The following B4GALT1 variants were observed in gnomAD, a reference collection of about 807,000 sequenced individuals.
B4GALT1 encodes N-acetyllactosamine synthase.
In B4GALT1, 16 loss-of-function variants were observed where a neutral mutation model predicts 34.9. The observed-to-expected ratio is 0.46, with a 90% CI of 0.31 to 0.70. The LOEUF (loss-of-function observed/expected upper bound fraction) is 0.70. B4GALT1 is among the 30% of genes least tolerant of loss of function. The probability of loss-of-function intolerance (pLI) is 0.05; values close to 1 mark genes in which losing one functional copy is unlikely to be tolerated. For synonymous variants in B4GALT1, 221 were observed against 218.1 expected (o/e 1.01, Z -0.12); for missense variants, 445 against 530.5 (o/e 0.84, Z 1.58).
At position 33,167,245 on chromosome 9, in the gene B4GALT1, C is replaced by A; in HGVS notation, c.-76G>T. The A allele has an allele frequency of 6.9e-7, 1 of 1,439,238 alleles. No individual in the cohort carries two copies. The allele number at this position is 1,439,238 out of a possible 1,614,324, so 89.2% of individuals were successfully genotyped here. A position where few individuals can be genotyped will look rare whatever the true frequency, so the allele number is the denominator to read the frequency against. On this transcript the variant is annotated 5_prime_UTR_variant, in exon 1 of 6. Transcript: ENST00000379731. ...CCGCCCGCGGGCCGCCCGCCAGGCGCTGCCCCACAGCGGCGACTAGGGGAG... is the reference window on the plus strand; with the variant it reads ...CCGCCCGCGGGCCGCCCGCCAGGCGATGCCCCACAGCGGCGACTAGGGGAG...
intron 1 of B4GALT1, among the ~76,000 whole-genome samples, chr9:33,138,284 T>C (rs1840300145): frequency 6.6e-6 from 1 of 152,200 alleles, no homozygotes; most frequent in African/African-American, 2.4e-5. Context: ...AGATGATCTT[T>C]GGTATCCTGA....
intron 2 of B4GALT1, 84 bp from the exon 3 acceptor site, chr9:33,120,690 A>T: frequency 1.4e-6 from 2 of 1,379,474 alleles, no homozygotes; most frequent in Admixed American, 1.8e-5. Context: ...CTTGTCCACT[A>T]CACATGGTCA....
chr9:33,166,894 G>A lies in B4GALT1; in HGVS notation c.276C>T (p.Ser92=), dbSNP rs762594169. Residue 92 remains serine, a synonymous_variant, in exon 1 of 6, where the codon TCC becomes TCT. Coordinates refer to ENST00000379731, the MANE Select transcript of B4GALT1 (RefSeq NM_001497.4). ...TGGAGTCGCCACCCGGGCGCGGCTG[G>A]GAGGAGGCGCCTAGAGGAGGCGGCG... ...ARPPPPLGAS[S]QPRPGGDSSP... The A allele has an allele frequency of 6.3e-7, 1 of 1,580,330 alleles. No individual in the cohort carries two copies. Among genetic ancestry groups the A allele is most frequent in the South Asian group, 1.1e-5 (1 of 88,794 alleles).
At chr9:33,130,792 C>G (rs1327513058) in intron 2 of B4GALT1, among the ~76,000 whole-genome samples, 1 of 151,886 alleles carries the variant, frequency 6.6e-6, no homozygotes, top group African/African-American at 2.4e-5. Context: ...CCAAGGAGTT[C>G]AAACCAATAG....
At chr9:33,160,681 C>T (rs573906924) in intron 1 of B4GALT1, among the ~76,000 whole-genome samples, 1 of 152,108 alleles carries the variant, frequency 6.6e-6, no homozygotes, top group African/African-American at 2.4e-5. Flanking sequence ...GTGGGAGAAT[C>T]GCTTAGCCCG....
Position 33,167,000 on chromosome 9 carries a change from G to A in B4GALT1, c.170C>T (p.Ser57Phe), listed in dbSNP as rs1324818651. The A allele has an allele frequency of 6.3e-7, 1 of 1,595,234 alleles. No homozygotes were observed. Residue 57 changes from serine to phenylalanine, a missense_variant, in exon 1 of 6, where the codon TCC becomes TTC. By Grantham distance (155) the Ser-to-Phe change is radical. Coordinates refer to ENST00000379731, the MANE Select transcript of B4GALT1 (RefSeq NM_001497.4). ...GTTCGAGCCGCCCTGCAGCGGTGTGGAGACTCCGACCAGTTGGGGCAGGCG... is the reference window on the plus strand; with the variant it reads ...GTTCGAGCCGCCCTGCAGCGGTGTGAAGACTCCGACCAGTTGGGGCAGGCG... ...LSRLPQLVGV[S>F]TPLQGGSNSA...
intron 2 of B4GALT1, among the ~76,000 whole-genome samples, chr9:33,122,937 A>T (rs1840042360): frequency 6.6e-6 from 1 of 152,140 alleles, no homozygotes; most frequent in African/African-American, 2.4e-5. Context: ...TGAGGTCAGG[A>T]GTTCGAGACC....
chr9:33,118,271 G>T (rs578155049), intron 3 of B4GALT1, among the ~76,000 whole-genome samples: 24 of 152,234 alleles, frequency 1.6e-4, no homozygotes, highest in African/African-American at 5.8e-4. Context: ...CTGGGAGAAG[G>T]ACTTCATACA....
intron 2 of B4GALT1, among the ~76,000 whole-genome samples, chr9:33,130,596 G>A (rs1283966611): frequency 9.0e-6 from 1 of 111,028 alleles, no homozygotes; most frequent in Non-Finnish European, 1.9e-5. Context: ...TAATTACAGA[G>A]GCATAAGCCA....
rs751351046 is a variant in B4GALT1 at position 33,111,250 on chromosome 9, C to CAAAAAAAAAAAAA, written c.*2191_*2203dup. The CAAAAAAAAAAAAA allele has an allele frequency of 1.6e-4, 8 of 48,828 alleles. No individual in the cohort carries two copies. The highest frequency in any genetic ancestry group is 2.9e-4 in the Admixed American group (1 of 3,494). The allele number at this position is 48,828 out of a possible 1,614,324, so 3.0% of individuals were successfully genotyped here. A position where few individuals can be genotyped will look rare whatever the true frequency, so the allele number is the denominator to read the frequency against. The stretch of plus-strand genomic sequence containing the variant: ...TACTTGACATGAATGAGAAGGTAAC[C>CAAAAAAAAAAAAA]AAAAAAAAAAAAAAAAAAAAAAAAA... On this transcript the variant is annotated 3_prime_UTR_variant, in exon 6 of 6. Transcript: ENST00000379731.
Position 33,150,210 on chromosome 9 carries a change from ATATC to A in B4GALT1, c.413-14790_413-14787del, listed in dbSNP as rs1309486564. 7.1e-5 allele frequency among the ~76,000 whole-genome samples: 10 copies of A among 140,734 alleles called. No individual in the cohort carries two copies. The East Asian group carries it at 1.1e-3, about 15-fold the overall frequency. The allele number at this position is 140,734 out of a possible 152,430, so 92.3% of individuals were successfully genotyped here. A position where few individuals can be genotyped will look rare whatever the true frequency, so the allele number is the denominator to read the frequency against. On this transcript the variant is annotated intron_variant, in intron 1 of 5. Transcript: ENST00000379731. ...GATACATCTATCTAAAATTATATTAATATCTATCTATCTACAGGTAGATACACAC... is the reference window on the plus strand; with the variant it reads ...GATACATCTATCTAAAATTATATTAATATCTATCTACAGGTAGATACACAC...
downstream of B4GALT1, among the ~76,000 whole-genome samples, chr9:33,107,310 G>C (rs1049243190): frequency 6.6e-6 from 1 of 152,170 alleles, no homozygotes; most frequent in African/African-American, 2.4e-5. Context: ...CCAGCCCTTA[G>C]GAATGTCTGA....
chr9:33,154,206 T>C (rs909614350), intron 1 of B4GALT1, among the ~76,000 whole-genome samples: 1 of 152,208 alleles, frequency 6.6e-6, no homozygotes, highest in Admixed American at 6.5e-5. Context: ...GAAAAATCAA[T>C]GTATAATATA....
At position 33,133,388 on chromosome 9, in the gene B4GALT1, G is replaced by A. The variant is rs539198552; in HGVS notation, c.648+1801C>T. Among the ~76,000 whole-genome samples, 5 of 152,294 alleles carry A rather than the reference G, an allele frequency of 3.3e-5. No homozygotes were observed. In the South Asian group the frequency reaches 1.0e-3, roughly 32 times the overall value. ...GAGAGAAACGAGATGCAGCTGGCAC[G>A]GCTTATTAGTCATCCCTGCTGGCTC... is the stretch of plus-strand genomic sequence containing the variant. On this transcript the variant is annotated intron_variant, in intron 2 of 5. Transcript: ENST00000379731.
upstream of B4GALT1, chr9:33,167,351 C>G (rs1840782421): frequency 2.7e-6 from 2 of 749,006 alleles, no homozygotes; most frequent in South Asian, 1.1e-4. Flanking sequence ...AGAAGCCGCC[C>G]GAGGCGCCGG....
In B4GALT1 at chr9:33,113,042, C is replaced by T. The variant is rs1381367019; in HGVS notation, c.*412G>A. ...AATTACAACTACCAAAAAGATCACA[C>T]CAATCCAATTTTAGCAGCACTCTCC... On this transcript the variant is annotated 3_prime_UTR_variant, in exon 6 of 6. Transcript: ENST00000379731. The T allele has an allele frequency of 2.5e-5, 7 of 281,988 alleles. No homozygotes were observed. The highest frequency in any genetic ancestry group is 2.8e-5 in the Non-Finnish European group (4 of 143,132). The allele number at this position is 281,988 out of a possible 1,614,324, so 17.5% of individuals were successfully genotyped here.
At chr9:33,140,609 G>A (rs1840334871) in intron 1 of B4GALT1, among the ~76,000 whole-genome samples, 1 of 152,228 alleles carries the variant, frequency 6.6e-6, no homozygotes, top group Non-Finnish European at 1.5e-5. Flanking sequence ...GTGGAACTAG[G>A]CAGTGCCTAG....
Position 33,113,164 on chromosome 9 carries a change from C to T in B4GALT1, c.*290G>A. The stretch of plus-strand genomic sequence containing the variant: ...TATCACCGGGAATGTGTTCCACGGC[C>T]ACCAAATTTTGGGATGTGTACAGTT... On this transcript the variant is annotated 3_prime_UTR_variant, in exon 6 of 6. Transcript: ENST00000379731. 2 of 450,664 alleles carry T rather than the reference C, an allele frequency of 4.4e-6. No individual in the cohort carries two copies. Among genetic ancestry groups the T allele is most frequent in the Admixed American group, 7.4e-5 (2 of 27,204 alleles). 27.9% of individuals were successfully genotyped at this position (450,664 alleles called of 1,614,324 possible).
At chr9:33,159,860 A>G (rs1389042108) in intron 1 of B4GALT1, among the ~76,000 whole-genome samples, 1 of 152,210 alleles carries the variant, frequency 6.6e-6, no homozygotes, top group Non-Finnish European at 1.5e-5. Context: ...AGTCCACAGA[A>G]GTCCAGCACA....
Sources: gnomAD v4.1 joint callset for allele counts (sites outside exome capture counted in the v4.1 genomes callset) on GRCh38, gnomAD v4.1.1 for gene constraint, MANE v1.5 for transcripts, NCBI Gene and HGNC (gene_info 2026-07-23, HGNC 2026-07-21) for gene names.